Variants in VEGFC observed in about 807,000 individuals in gnomAD.
The protein encoded by VEGFC is vascular endothelial growth factor C.
A neutral mutation model predicts 46.1 loss-of-function variants in VEGFC; 12 were observed. The ratio of observed to expected loss-of-function variants is 0.26; its 90% CI spans 0.17 to 0.42. The LOEUF is 0.42. Among genes scored for constraint, VEGFC ranks in the 10% least tolerant of loss-of-function variants. VEGFC has a pLI of 1.00. For synonymous variants in VEGFC, 232 were observed against 195.5 expected (o/e 1.19, Z -1.56); for missense variants, 488 against 529.4 (o/e 0.92, Z 0.77).
At chr4:176,738,907 C>T (rs1170027372) in intron 1 of VEGFC, among the ~76,000 whole-genome samples, 1 of 151,548 alleles carries the variant, frequency 6.6e-6, no homozygotes, top group Non-Finnish European at 1.5e-5. Flanking sequence ...ACTCTTTATC[C>T]AGTCTATCAT....
chr4:176,726,188 C>T (rs890210022), intron 3 of VEGFC, among the ~76,000 whole-genome samples: 31 of 152,006 alleles, frequency 2.0e-4, no homozygotes, highest in African/African-American at 7.5e-4. Context: ...TTTTGGCAAC[C>T]ACTGAAATAT....
intron 1 of VEGFC, among the ~76,000 whole-genome samples, chr4:176,756,897 G>C (rs80048454): frequency 0.032 from 4,875 of 152,126 alleles, 245 homozygotes; most frequent in African/African-American, 0.11. Context: ...TATTTCAGAG[G>C]AAGAGAAGCT....
chr4:176,720,121 AG>A (rs1280692504), intron 3 of VEGFC, among the ~76,000 whole-genome samples: 1 of 152,110 alleles, frequency 6.6e-6, no homozygotes, highest in Admixed American at 6.6e-5. Context: ...GGATAGGAAA[AG>A]GGCATGATAA....
At chr4:176,721,630 T>C (rs1734788532) in intron 3 of VEGFC, among the ~76,000 whole-genome samples, 1 of 152,188 alleles carries the variant, frequency 6.6e-6, no homozygotes, top group Non-Finnish European at 1.5e-5. Flanking sequence ...CAATTAGTTT[T>C]GGTGAAAGGA....
At chr4:176,700,826 T>C (rs1417083016) in intron 4 of VEGFC, among the ~76,000 whole-genome samples, 2 of 152,144 alleles carry the variant, frequency 1.3e-5, no homozygotes, top group African/African-American at 2.4e-5. Context: ...CTCATTACCT[T>C]GTCACAGCCA....
intron 1 of VEGFC, among the ~76,000 whole-genome samples, chr4:176,744,366 C>T (rs1735225707): frequency 6.6e-6 from 1 of 151,888 alleles, no homozygotes; most frequent in Non-Finnish European, 1.5e-5. Context: ...AAAAAAAAAC[C>T]TATTTTCTTA....
intron 4 of VEGFC, chr4:176,689,356 A>G (rs1011570935): frequency 1.3e-5 from 2 of 152,302 alleles, no homozygotes; most frequent in Admixed American, 6.5e-5. Flanking sequence ...ACAGCATCAC[A>G]TAGAGGAATT....
chr4:176,685,103 G>A (rs1394221590), intron 6 of VEGFC, among the ~76,000 whole-genome samples: 2 of 152,198 alleles, frequency 1.3e-5, no homozygotes, highest in African/African-American at 4.8e-5. Flanking sequence ...AAAGGGAAAA[G>A]TGCAAGATGA....
At chr4:176,717,618 A>T (rs180742837) in intron 3 of VEGFC, among the ~76,000 whole-genome samples, 1 of 152,242 alleles carries the variant, frequency 6.6e-6, no homozygotes, top group Admixed American at 6.5e-5. Context: ...GTGGATACAA[A>T]TATGACACAA....
chr4:176,757,362 T>C (rs1379399332), intron 1 of VEGFC, among the ~76,000 whole-genome samples: 2 of 152,030 alleles, frequency 1.3e-5, no homozygotes, highest in South Asian at 2.1e-4. Context: ...AGATCTGTGA[T>C]AAAAGCTTAT....
chr4:176,684,382 G>C (rs1254252873), intron 6 of VEGFC, among the ~76,000 whole-genome samples: 1 of 152,194 alleles, frequency 6.6e-6, no homozygotes, highest in Non-Finnish European at 1.5e-5. Context: ...GACTTACTGT[G>C]ATCACATAAG....
chr4:176,702,984 C>T (rs534096702), intron 4 of VEGFC, among the ~76,000 whole-genome samples: 2 of 152,118 alleles, frequency 1.3e-5, no homozygotes, highest in South Asian at 4.1e-4. Context: ...ACAAAACACT[C>T]AAAGCTGCAC....
At chr4:176,715,609 T>C (rs1734686361) in intron 3 of VEGFC, among the ~76,000 whole-genome samples, 1 of 152,154 alleles carries the variant, frequency 6.6e-6, no homozygotes, top group African/African-American at 2.4e-5. Context: ...TTAGACATGA[T>C]TACAGTTTCT....
chr4:176,726,373 A>G (rs141868054), intron 3 of VEGFC, among the ~76,000 whole-genome samples: 204 of 151,588 alleles, frequency 1.3e-3, no homozygotes, highest in Middle Eastern at 6.8e-3. Flanking sequence ...ACTAACTATG[A>G]TACTAAAAGA....
intron 1 of VEGFC, among the ~76,000 whole-genome samples, chr4:176,770,239 A>T (rs1220897996): frequency 6.6e-6 from 1 of 152,212 alleles, no homozygotes; most frequent in Non-Finnish European, 1.5e-5. Context: ...ACAGCTACCT[A>T]ATGACTTCAG....
Position 176,711,094 on chromosome 4 carries a change from T to C in VEGFC, c.704+405A>G, listed in dbSNP as rs541241685. ...GAAAGCAACTGAATGCTAATAGATATAAAATTATTTATATTTACTTTTTGT... is the reference window on the plus strand; with the variant it reads ...GAAAGCAACTGAATGCTAATAGATACAAAATTATTTATATTTACTTTTTGT... On this transcript the variant is annotated intron_variant, in intron 4 of 6. Coordinates refer to ENST00000618562, the MANE Select transcript of VEGFC (RefSeq NM_005429.5). 3.3e-5 allele frequency among the ~76,000 whole-genome samples: 5 copies of C among 152,270 alleles called. No homozygotes were observed. In the East Asian group the frequency reaches 9.6e-4, roughly 29 times the overall value.
chr4:176,735,062 C>A lies in VEGFC; in HGVS notation c.148-5316G>T, dbSNP rs555246882. On this transcript the variant is annotated intron_variant, in intron 1 of 6. Coordinates refer to ENST00000618562, the MANE Select transcript of VEGFC (RefSeq NM_005429.5). Reference sequence around the variant, plus strand: ...ATTGCTTTGAAAAAAGGGTCTATTTCAAGCCACCTCTGTCATGGAATTTTG... The same window carrying A: ...ATTGCTTTGAAAAAAGGGTCTATTTAAAGCCACCTCTGTCATGGAATTTTG... Among the ~76,000 whole-genome samples, 12 of 151,762 alleles carry A rather than the reference C, an allele frequency of 7.9e-5. No homozygotes were observed. In the South Asian group the frequency reaches 2.5e-3, roughly 32 times the overall value.
intron 1 of VEGFC, among the ~76,000 whole-genome samples, chr4:176,745,160 C>A (rs1165330478): frequency 6.6e-6 from 1 of 152,008 alleles, no homozygotes; most frequent in African/African-American, 2.4e-5. Context: ...TTCTTGAATC[C>A]CTTGGGAGGC....
Position 176,683,942 on chromosome 4 carries a change from C to G in VEGFC, c.1244G>C (p.Arg415Thr). ...VCRCVPSYWKRPQMS is the reference protein window; with the variant it reads ...VCRCVPSYWKTPQMS ...AGTACAATCTTAGCTCATTTGTGGTCTTTTCCAATATGAAGGGACACAACG... is the reference window on the plus strand; with the variant it reads ...AGTACAATCTTAGCTCATTTGTGGTGTTTTCCAATATGAAGGGACACAACG... The change falls in exon 7 of 7, where the codon AGA becomes ACA. Residue 415 changes from arginine (R) to threonine (T), a missense_variant. Transcript: ENST00000618562. The G allele has an allele frequency of 4.3e-6, 7 of 1,613,916 alleles. No homozygotes were observed. Among genetic ancestry groups the G allele is most frequent in the Non-Finnish European group, 5.9e-6 (7 of 1,179,794 alleles).
Sources: gnomAD v4.1 joint callset for allele counts (sites outside exome capture counted in the v4.1 genomes callset) on GRCh38, gnomAD v4.1.1 for gene constraint, MANE v1.5 for transcripts, NCBI Gene and HGNC (gene_info 2026-07-23, HGNC 2026-07-21) for gene names.